The following CCAR1 variants were observed in gnomAD, a reference collection of about 807,000 sequenced individuals.
CCAR1 encodes cell division cycle and apoptosis regulator 1, also known as cell division cycle and apoptosis regulator protein 1.
Under a neutral mutation model 163.8 loss-of-function variants are expected in CCAR1, and 78 were observed. That is an observed-to-expected ratio of 0.48 (90% CI 0.40 to 0.57). The LOEUF (loss-of-function observed/expected upper bound fraction) is 0.57. CCAR1 is among the 20% of genes least tolerant of loss of function. The pLI is 0.00. For synonymous variants in CCAR1, 443 were observed against 460.7 expected (o/e 0.96, Z 0.49); for missense variants, 1,019 against 1,365.2 (o/e 0.75, Z 4.00).
At chr10:68,779,341 CCT>C (rs1422173215) in intron 19 of CCAR1, among the ~76,000 whole-genome samples, 5 of 152,048 alleles carry the variant, frequency 3.3e-5, no homozygotes, top group South Asian at 2.1e-4. Flanking sequence ...CACTACAACC[CCT>C]GTCTCCCAGG....
At position 68,749,207 on chromosome 10, in the gene CCAR1, C is replaced by T; in HGVS notation, c.898C>T (p.Arg300Ter). ...GGCACGACGATTAGATCCCCCATCC[C>T]GATTTTCAGGAAGAAATGACAGAGG... ...QPARRLDPPSRFSGRNDRGDQ... is the reference protein window; with the variant it reads ...QPARRLDPPS Residue 300 changes from arginine to a stop codon, truncating the protein, a stop_gained, in exon 9 of 25, where the codon CGA (arginine) becomes TGA (stop). Transcript: ENST00000265872. LOFTEE classifies it high-confidence loss of function. 1.2e-6 allele frequency: 2 copies of T among 1,613,272 alleles called. No homozygotes were observed. The highest frequency in any genetic ancestry group is 1.7e-6 in the Non-Finnish European group (2 of 1,179,828).
At chr10:68,760,934 T>C in intron 15 of CCAR1, 73 bp from the exon 16 acceptor site, 1 of 516,310 alleles carries the variant, frequency 1.9e-6, no homozygotes, top group South Asian at 2.9e-5. Context: ...GTTTGTTTCC[T>C]ATTTCAATAT....
At chr10:68,748,873 T>A (rs527931741) in intron 8 of CCAR1, among the ~76,000 whole-genome samples, 1 of 152,176 alleles carries the variant, frequency 6.6e-6, no homozygotes, top group African/African-American at 2.4e-5. Flanking sequence ...AGATAGGGTT[T>A]TGCCATGTTG....
At chr10:68,763,609 G>A (rs2056501770) in intron 16 of CCAR1, among the ~76,000 whole-genome samples, 1 of 151,828 alleles carries the variant, frequency 6.6e-6, no homozygotes, top group Non-Finnish European at 1.5e-5. Flanking sequence ...CACCATGCCT[G>A]GCTAATTTTT....
chr10:68,724,659 C>T lies in CCAR1; in HGVS notation c.73+2082C>T, dbSNP rs189204675. On this transcript the variant is annotated intron_variant, in intron 2 of 24. Transcript: ENST00000265872. ...ATCACCTGGACCTGGTGTTATGTAC[C>T]TGTGGTTCTAGCTATTCAGGGAGGT... Among the ~76,000 whole-genome samples the T allele has an allele frequency of 1.2e-4, 19 of 152,050 alleles. No individual in the cohort carries two copies. In the East Asian group the frequency reaches 2.5e-3, roughly 20 times the overall value.
chr10:68,769,523 G>A (rs1168870186), intron 17 of CCAR1, among the ~76,000 whole-genome samples: 1 of 152,178 alleles, frequency 6.6e-6, no homozygotes, highest in Admixed American at 6.5e-5. Flanking sequence ...GGGAGGCTGA[G>A]GCAGGAGAAT....
chr10:68,764,372 C>G (rs1204184447), intron 16 of CCAR1, among the ~76,000 whole-genome samples: 1 of 149,384 alleles, frequency 6.7e-6, no homozygotes, highest in East Asian at 1.9e-4. Context: ...TCGTGAGACC[C>G]CATCTCTACA....
chr10:68,749,305 T>C, intron 9 of CCAR1, 40 bp downstream of exon 9: 1 of 1,552,156 alleles, frequency 6.4e-7, no homozygotes. Flanking sequence ...TGGCAATGGT[T>C]GTACAACAAT....
chr10:68,757,499 C>G (rs1715311494), intron 15 of CCAR1, 122 bp downstream of exon 15: 1 of 534,066 alleles, frequency 1.9e-6, no homozygotes, highest in South Asian at 2.2e-5. Flanking sequence ...ACTTCAGCCT[C>G]TGCCTCCTGG....
chr10:68,754,213 A>G (rs2056371574), intron 11 of CCAR1, 136 bp downstream of exon 11: 4 of 572,290 alleles, frequency 7.0e-6, no homozygotes, highest in Non-Finnish European at 9.0e-6. Flanking sequence ...GCTTGATCCT[A>G]TTTTGGTTAC....
intron 19 of CCAR1, among the ~76,000 whole-genome samples, chr10:68,779,009 A>AT (rs1479586315): frequency 6.6e-6 from 1 of 151,822 alleles, no homozygotes; most frequent in East Asian, 1.9e-4. Flanking sequence ...CGCCTGGCTA[A>AT]TTTTTTTGTT....
intron 18 of CCAR1, among the ~76,000 whole-genome samples, chr10:68,772,393 G>A (rs1481738081): frequency 1.3e-5 from 2 of 151,988 alleles, no homozygotes; most frequent in African/African-American, 4.8e-5. Context: ...TGAGGCAGGA[G>A]GATTGCCTGA....
chr10:68,742,170 G>C (rs73264536), intron 5 of CCAR1, among the ~76,000 whole-genome samples: 2,011 of 152,256 alleles, frequency 0.013, 55 homozygotes, highest in African/African-American at 0.046. Flanking sequence ...TATTGTATTA[G>C]TAAGAACACT....
intron 4 of CCAR1, among the ~76,000 whole-genome samples, chr10:68,739,742 A>G (rs182435358): frequency 5.3e-5 from 8 of 152,316 alleles, no homozygotes; most frequent in African/African-American, 1.9e-4. Flanking sequence ...CAAAAATTGC[A>G]ATACTCATTC....
At position 68,741,420 on chromosome 10, in the gene CCAR1, G is replaced by T. The variant is rs554555406; in HGVS notation, c.324+759G>T. The stretch of plus-strand genomic sequence containing the variant: ...CCTTAGGCTTTACAGACTATTTATT[G>T]TATCTTTCACATACTCTTTTTCTAT... On this transcript the variant is annotated intron_variant, in intron 5 of 24. Coordinates refer to ENST00000265872, the MANE Select transcript of CCAR1 (RefSeq NM_018237.4). Among the ~76,000 whole-genome samples, 5 of 152,148 alleles carry T rather than the reference G, an allele frequency of 3.3e-5. No homozygotes were observed. In the South Asian group the frequency reaches 1.0e-3, roughly 32 times the overall value.
intron 6 of CCAR1, among the ~76,000 whole-genome samples, chr10:68,743,951 A>G (rs542093654): frequency 6.6e-5 from 10 of 152,182 alleles, no homozygotes; most frequent in African/African-American, 2.2e-4. Flanking sequence ...GGGTTTTACC[A>G]TCTTGGCTAG....
At chr10:68,746,393 C>T (rs1172574842) in intron 6 of CCAR1, among the ~76,000 whole-genome samples, 10 of 152,054 alleles carry the variant, frequency 6.6e-5, no homozygotes, top group Admixed American at 6.6e-4. Context: ...TCGCACCCGG[C>T]TAATTTTTGT....
chr10:68,737,773 A>G (rs1217792599), intron 3 of CCAR1, 72 bp from the exon 4 acceptor site: 4 of 803,462 alleles, frequency 5.0e-6, no homozygotes, highest in East Asian at 5.4e-5. Flanking sequence ...ATTTCTATGT[A>G]TATCACTTTT....
chr10:68,781,826 G>A (rs561183263), intron 19 of CCAR1, among the ~76,000 whole-genome samples: 6 of 119,772 alleles, frequency 5.0e-5, no homozygotes, highest in Admixed American at 9.4e-5. Context: ...ACTCCAGCCT[G>A]GGCAACAGGG....
Sources: gnomAD v4.1 joint callset for allele counts (sites outside exome capture counted in the v4.1 genomes callset) on GRCh38, gnomAD v4.1.1 for gene constraint, MANE v1.5 for transcripts, NCBI Gene and HGNC (gene_info 2026-07-23, HGNC 2026-07-21) for gene names.